The following CELSR1 variants were observed in gnomAD, a reference collection of about 807,000 sequenced individuals.
CELSR1 encodes adhesion G protein-coupled receptor C1.
A neutral mutation model predicts 249.1 loss-of-function variants in CELSR1; 110 were observed. The ratio of observed to expected loss-of-function variants is 0.44; its 90% confidence interval spans 0.38 to 0.52. The LOEUF is 0.52. Ranked by LOEUF, CELSR1 falls within the 20% of genes least tolerant of loss-of-function variation. The probability of loss-of-function intolerance (pLI) is 0.00; values close to 1 mark genes in which losing one functional copy is unlikely to be tolerated. For missense variants in CELSR1, 4,109 were observed against 4,296.4 expected, an observed-to-expected ratio of 0.96 and a Z score of 1.22; for synonymous variants, 2,113 against 1,900.0, an observed-to-expected ratio of 1.11 and a Z score of -2.92.
chr22:46,513,647 A>C (rs1370177885), intron 1 of CELSR1, among the ~76,000 whole-genome samples: 1 of 152,132 alleles, frequency 6.6e-6, no homozygotes, highest in Non-Finnish European at 1.5e-5. Context: ...TGCAGTGTGC[A>C]CTTCCTACGG....
At position 46,395,693 on chromosome 22, in the gene CELSR1, A is replaced by G. The variant is rs910096729; in HGVS notation, c.5843+912T>C. ...GGCTCGGGAGGACAAAGAACGGAGC[A>G]TAGCAGGTGTCCCTGCACCTGATGG... On this transcript the variant is annotated intron_variant, in intron 13 of 34. Coordinates refer to ENST00000674500, the MANE Select transcript of CELSR1 (RefSeq NM_001378328.1). This position sits in a 1 kb window ranked among gnomAD's most constrained non-coding sequence, Gnocchi z 5.5. Among the ~76,000 whole-genome samples, 2 of 152,188 alleles carry G rather than the reference A, an allele frequency of 1.3e-5. No homozygotes were observed. The highest frequency in any genetic ancestry group is 2.9e-5 in the Non-Finnish European group (2 of 68,028).
At chr22:46,470,670 T>C (rs984200283) in intron 1 of CELSR1, among the ~76,000 whole-genome samples, 1 of 152,156 alleles carries the variant, frequency 6.6e-6, no homozygotes, top group Non-Finnish European at 1.5e-5. Flanking sequence ...TGAACCAACC[T>C]GCAGCTTAAG....
Position 46,440,375 on chromosome 22 carries a change from A to AT in CELSR1, c.4184-965dup, listed in dbSNP as rs2079730869. On this transcript the variant is annotated intron_variant, in intron 2 of 34. Transcript: ENST00000674500. This position sits in a 1 kb window ranked among gnomAD's most constrained non-coding sequence, Gnocchi z 4.7. ...ATGGGGAGTTAGGCTAATTTTTTGT[A>AT]TTTTTAGTAGAGACGGGGATTCACC... Among the ~76,000 whole-genome samples, 1 of 151,992 alleles carries AT rather than the reference A, an allele frequency of 6.6e-6. No homozygotes were observed. The highest frequency in any genetic ancestry group is 1.9e-4 in the East Asian group (1 of 5,182).
Position 46,446,290 on chromosome 22 carries a change from G to A in CELSR1, c.4184-6879C>T, listed in dbSNP as rs1025164800. On this transcript the variant is annotated intron_variant, in intron 2 of 34. Coordinates refer to ENST00000674500, the MANE Select transcript of CELSR1 (RefSeq NM_001378328.1). The surrounding 1 kb of genome is among the most constrained non-coding windows in gnomAD (Gnocchi z 5.5). Reference sequence around the variant, plus strand: ...GCTTTCCAGTGCCTGGAGGCCACCCGCATCCCCTGGCTGTACCTGTCCTCT... The same window carrying A: ...GCTTTCCAGTGCCTGGAGGCCACCCACATCCCCTGGCTGTACCTGTCCTCT... 2.0e-5 allele frequency among the ~76,000 whole-genome samples: 3 copies of A among 152,144 alleles called. No individual in the cohort carries two copies. The highest frequency in any genetic ancestry group is 2.9e-5 in the Non-Finnish European group (2 of 68,048).
In CELSR1 at chr22:46,428,676, C is replaced by T. The variant is rs981081816; in HGVS notation, c.4611+4717G>A. On this transcript the variant is annotated intron_variant, in intron 5 of 34. Coordinates refer to ENST00000674500, the MANE Select transcript of CELSR1 (RefSeq NM_001378328.1). The surrounding 1 kb of genome is among the most constrained non-coding windows in gnomAD (Gnocchi z 5.7). The stretch of plus-strand genomic sequence containing the variant: ...ATGAAGGGTCATCGTCCCCAAGGGG[C>T]GGCAGTGCCCAGGTGGGAAATCCTG... Among the ~76,000 whole-genome samples, 7 of 152,238 alleles carry T rather than the reference C, an allele frequency of 4.6e-5. No individual in the cohort carries two copies. Among genetic ancestry groups the T allele is most frequent in the African/African-American group, 1.4e-4 (6 of 41,458 alleles).
intron 2 of CELSR1, among the ~76,000 whole-genome samples, chr22:46,451,144 C>G (rs1263350225): frequency 6.6e-6 from 1 of 152,166 alleles, no homozygotes; most frequent in African/African-American, 2.4e-5. Context: ...TTCTCACCTC[C>G]TGGTGACTTG....
intron 1 of CELSR1, among the ~76,000 whole-genome samples, chr22:46,501,223 T>C (rs1376983660): frequency 1.8e-5 from 2 of 114,048 alleles, no homozygotes; most frequent in Non-Finnish European, 3.7e-5. Context: ...TTTTTTTTTT[T>C]TGAGACAGAG....
rs1343444936 is a variant in CELSR1, at chr22:46,423,701, G to A, written c.4611+9692C>T. Among the ~76,000 whole-genome samples, 5 of 151,990 alleles carry A rather than the reference G, an allele frequency of 3.3e-5. No individual in the cohort carries two copies. The highest frequency in any genetic ancestry group is 4.8e-5 in the African/African-American group (2 of 41,342). ...CTATTAACAAGTATGGGCCGGGTGC[G>A]GTGGCTCACGCCTATAATCCAGCAC... On this transcript the variant is annotated intron_variant, in intron 5 of 34. Coordinates refer to ENST00000674500, the MANE Select transcript of CELSR1 (RefSeq NM_001378328.1). This position sits in a 1 kb window ranked among gnomAD's most constrained non-coding sequence, Gnocchi z 5.6.
In CELSR1 at chr22:46,397,819, G is replaced by C; in HGVS notation, c.5556C>G (p.Asn1852Lys). Residue 1852 changes from asparagine (N) to lysine (K), a missense_variant, in exon 12 of 35, where the codon AAC becomes AAG. Asn to Lys is a moderately conservative substitution (Grantham distance 94). This residue lies in a region of CELSR1 where 1,805 missense variants were observed against 1,831.6 expected (regional missense o/e 0.99). Transcript: ENST00000674500. ...CGTTGTTCATGTTCAGGGTGGCGAC[G>C]TTGGTGGGCGTCCCCCCCATCCTCA... ...QGVRMGGTPTNVATLNMNNAL... is the reference protein window; with the variant it reads ...QGVRMGGTPTKVATLNMNNAL... 6.3e-7 allele frequency: 1 copy of C among 1,587,014 alleles called. No homozygotes were observed. The highest frequency in any genetic ancestry group is 8.6e-7 in the Non-Finnish European group (1 of 1,164,744).
chr22:46,371,139 C>G (rs1285851489), intron 25 of CELSR1, among the ~76,000 whole-genome samples: 1 of 152,222 alleles, frequency 6.6e-6, no homozygotes, highest in East Asian at 1.9e-4. Context: ...CAACCTGCCC[C>G]CACCTCAGTG....
In CELSR1 at chr22:46,364,561, G is replaced by A. The variant is rs762352956; in HGVS notation, c.8730C>T (p.Ser2910=). The change falls in exon 33 of 35, where the codon AGC becomes AGT. Residue 2910 remains serine (S), a synonymous_variant. Transcript: ENST00000674500. ...TGCTAGCAAGCCTGGCTGCGCCCCC[G>A]CTCTCCTGGTCCGGGGGGTACTCTC... ...HRGEYPPDQE[S]GGAARLASSQ... is the part of the protein sequence containing the mutation. The A allele has an allele frequency of 9.6e-5, 154 of 1,612,138 alleles. No homozygotes were observed. The East Asian group carries it at 1.5e-3, about 15-fold the overall frequency.
intron 5 of CELSR1, among the ~76,000 whole-genome samples, chr22:46,419,122 G>A (rs2079436345): frequency 6.6e-6 from 1 of 152,136 alleles, no homozygotes; most frequent in Admixed American, 6.5e-5. Flanking sequence ...GGAAGCCAGG[G>A]CCATCTCAGC....
chr22:46,415,172 T>C (rs1048184294), intron 5 of CELSR1, among the ~76,000 whole-genome samples: 2 of 152,126 alleles, frequency 1.3e-5, no homozygotes, highest in Admixed American at 6.5e-5. Flanking sequence ...TCTTTTGAGA[T>C]GGAATCTCGC....
Position 46,535,754 on chromosome 22 carries a change from CCACGTCCTCGG to C in CELSR1, c.1406_1416del (p.Pro469ArgfsTer63), listed in dbSNP as rs2080846231. 1 of 1,612,440 alleles carries C rather than the reference CCACGTCCTCGG, an allele frequency of 6.2e-7. No individual in the cohort carries two copies. Among genetic ancestry groups the C allele is most frequent in the Non-Finnish European group, 8.5e-7 (1 of 1,180,022 alleles). On this transcript the variant is annotated frameshift_variant, in exon 1 of 35. Transcript: ENST00000674500. LOFTEE classifies it high-confidence loss of function. ...ACTCGCAGCACAGCCGTGTTGAGCC[CCACGTCCTCGG>C]GCACCTGGACCACGTAGTTCTGCTC...
chr22:46,519,593 C>T (rs2080663907), intron 1 of CELSR1, among the ~76,000 whole-genome samples: 2 of 152,204 alleles, frequency 1.3e-5, no homozygotes, highest in Non-Finnish European at 2.9e-5. Flanking sequence ...CCCAGCTGGT[C>T]TCCCTTCCTG....
Position 46,390,464 on chromosome 22 carries a change from G to A in CELSR1, c.6273C>T (p.Ser2091=), listed in dbSNP as rs749138456. ...GSVGNAVRHC[S]GEKGWLPPEL... Reference sequence around the variant, plus strand: ...CTGGGGGCAGCCAGCCCTTCTCCCCGCTGCAGTGTCGGACCGCATTTCCTG... The same window carrying A: ...CTGGGGGCAGCCAGCCCTTCTCCCCACTGCAGTGTCGGACCGCATTTCCTG... Residue 2091 remains serine, a synonymous_variant, in exon 17 of 35, where the codon AGC becomes AGT. Transcript: ENST00000674500. The surrounding 1 kb of genome is among the most constrained non-coding windows in gnomAD (Gnocchi z 6.3). 31 of 1,613,804 alleles carry A rather than the reference G, an allele frequency of 1.9e-5. No individual in the cohort carries two copies. The highest frequency in any genetic ancestry group is 2.2e-5 in the Non-Finnish European group (26 of 1,179,888).
In CELSR1 at chr22:46,506,219, A is replaced by C. The variant is rs1176084019; in HGVS notation, c.3544+27408T>G. 2.0e-5 allele frequency among the ~76,000 whole-genome samples: 3 copies of C among 151,792 alleles called. No homozygotes were observed. Among genetic ancestry groups the C allele is most frequent in the Non-Finnish European group, 2.9e-5 (2 of 67,976 alleles). On this transcript the variant is annotated intron_variant, in intron 1 of 34. Transcript: ENST00000674500. This position sits in a 1 kb window ranked among gnomAD's most constrained non-coding sequence, Gnocchi z 4.1. The stretch of plus-strand genomic sequence containing the variant: ...GAAAAAGAAAGAAAGACAGAAAAGA[A>C]ACTACTGACTACTGACGGATTGCTG...
intron 5 of CELSR1, among the ~76,000 whole-genome samples, chr22:46,422,982 C>A (rs533651661): frequency 1.1e-4 from 17 of 152,220 alleles, no homozygotes; most frequent in Non-Finnish European, 2.1e-4. Context: ...CTCTGCAATG[C>A]CACCTCCTGG....
Position 46,536,483 on chromosome 22 carries a change from C to G in CELSR1, c.688G>C (p.Ala230Pro). The G allele has an allele frequency of 2.5e-6, 4 of 1,593,092 alleles. No individual in the cohort carries two copies. Among genetic ancestry groups the G allele is most frequent in the Non-Finnish European group, 2.6e-6 (3 of 1,171,246 alleles). ...CTCGTGCCCCGCCGGGCCCGTCGCG[C>G]CGGCCCCGCCCGGGCTTCGGGCAAG... is the stretch of plus-strand genomic sequence containing the variant. ...PNLPEARAGP[A>P]RRARRGTSGR... The change falls in exon 1 of 35, where the codon GCG becomes CCG. Residue 230 changes from alanine to proline, a missense_variant. Around this residue, in one of 7 missense-constraint regions of CELSR1, gnomAD observed 673 missense variants for 636.8 expected, o/e 1.06. Transcript: ENST00000674500.
Sources: gnomAD v4.1 joint callset for allele counts (sites outside exome capture counted in the v4.1 genomes callset) on GRCh38, gnomAD v4.1.1 for gene constraint, gnomAD v4.1.1 regional missense constraint, Gnocchi (gnomAD v3.1) non-coding constraint, MANE v1.5 for transcripts, NCBI Gene and HGNC (gene_info 2026-07-23, HGNC 2026-07-21) for gene names.